The following MARK1 variants were observed in gnomAD, a reference collection of about 807,000 sequenced individuals.
MARK1 encodes the protein serine/threonine-protein kinase MARK1.
In MARK1, 40 loss-of-function variants were observed where a neutral mutation model predicts 96.3. The ratio of observed to expected loss-of-function variants is 0.42; its 90% CI spans 0.32 to 0.54. MARK1 has a LOEUF of 0.54. MARK1 is among the 20% of genes least tolerant of loss of function. The probability of loss-of-function intolerance (pLI) is 0.16; values close to 1 mark genes in which losing one functional copy is unlikely to be tolerated. For missense variants in MARK1, 719 were observed against 984.6 expected (o/e 0.73, Z 3.61); for synonymous variants, 317 against 341.2 (o/e 0.93, Z 0.78).
At chr1:220,536,693 T>G (rs1254485962) in intron 1 of MARK1, among the ~76,000 whole-genome samples, 1 of 152,062 alleles carries the variant, frequency 6.6e-6, no homozygotes, top group Non-Finnish European at 1.5e-5. Context: ...GTAGCTGAGA[T>G]TATAGGCACA....
At chr1:220,557,717 A>G (rs1041127068) in intron 1 of MARK1, among the ~76,000 whole-genome samples, 6 of 152,328 alleles carry the variant, frequency 3.9e-5, no homozygotes, top group African/African-American at 1.2e-4. Context: ...TAATATGCAA[A>G]AGAAGTTGCA....
Position 220,581,048 on chromosome 1 carries a change from T to G in MARK1, c.256-17T>G. On this transcript the variant is annotated splice_polypyrimidine_tract_variant and intron_variant, in intron 2 of 17. Transcript: ENST00000366917. The stretch of plus-strand genomic sequence containing the variant: ...TATGCATTTTTCAAATAGAGTTTAA[T>G]GATTCTTCTTTTTTAGGTTGCTGTG... 1 of 1,180,752 alleles carries G rather than the reference T, an allele frequency of 8.5e-7. No homozygotes were observed. The highest frequency in any genetic ancestry group is 1.1e-6 in the Non-Finnish European group (1 of 879,276). The allele number at this position is 1,180,752 out of a possible 1,614,324, so 73.1% of individuals were successfully genotyped here.
intron 1 of MARK1, among the ~76,000 whole-genome samples, chr1:220,564,858 T>C (rs1295936580): frequency 6.6e-6 from 1 of 151,956 alleles, no homozygotes; most frequent in Non-Finnish European, 1.5e-5. Flanking sequence ...AGTAATACTG[T>C]CTTTTTTCTT....
At chr1:220,609,759 A>C (rs978653124) in intron 6 of MARK1, among the ~76,000 whole-genome samples, 3 of 152,320 alleles carry the variant, frequency 2.0e-5, no homozygotes, top group East Asian at 3.9e-4. Flanking sequence ...GGTGGTGACA[A>C]AATCTCTCAG....
At chr1:220,640,665 G>A (rs1459750364) in intron 13 of MARK1, among the ~76,000 whole-genome samples, 1 of 152,106 alleles carries the variant, frequency 6.6e-6, no homozygotes, top group African/African-American at 2.4e-5. Context: ...CTGGAGGCTG[G>A]GTAGTTCAGT....
At chr1:220,592,274 T>C (rs1665048760) in intron 3 of MARK1, among the ~76,000 whole-genome samples, 1 of 149,712 alleles carries the variant, frequency 6.7e-6, no homozygotes, top group African/African-American at 2.4e-5. Context: ...TATATTATAC[T>C]ATCTTGCTAG....
chr1:220,653,284 A>G lies in MARK1; in HGVS notation c.1920A>G (p.Ala640=). Residue 640 remains alanine (A), a synonymous_variant, in exon 16 of 18, where the codon GCA becomes GCG. Transcript: ENST00000366917. Reference sequence around the variant, plus strand: ...CTTCACCATCCCATGAAACGGGTGCATTTGCACATGCCAGAAGGGGAACGT... The same window carrying G: ...CTTCACCATCCCATGAAACGGGTGCGTTTGCACATGCCAGAAGGGGAACGT... ...PPASPSHETG[A]FAHARRGTST... 6.2e-7 allele frequency: 1 copy of G among 1,614,252 alleles called. No homozygotes were observed. Among genetic ancestry groups the G allele is most frequent in the Non-Finnish European group, 8.5e-7 (1 of 1,180,044 alleles).
Position 220,632,227 on chromosome 1 carries a change from C to T in MARK1, c.1036C>T (p.Arg346Ter), listed in dbSNP as rs1322940585. 4 of 1,520,130 alleles carry T rather than the reference C, an allele frequency of 2.6e-6. No individual in the cohort carries two copies. The highest frequency in any genetic ancestry group is 1.4e-5 in the South Asian group (1 of 72,652). The allele number at this position is 1,520,130 out of a possible 1,614,324, so 94.2% of individuals were successfully genotyped here. A position where few individuals can be genotyped will look rare whatever the true frequency, so the allele number is the denominator to read the frequency against. Residue 346 changes from arginine (R) to a stop codon, truncating the protein, a stop_gained, in exon 11 of 18, where the codon CGA (arginine) becomes TGA (stop). Coordinates refer to ENST00000366917, the MANE Select transcript of MARK1 (RefSeq NM_018650.5). LOFTEE classifies it high-confidence loss of function. ...IDIMVTMGFARDEINDALINQ... is the reference protein window; with the variant it reads ...IDIMVTMGFA ...CATTATGGTCACCATGGGCTTTGCA[C>T]GAGATGAAATAAATGATGCCTTAAT...
At chr1:220,650,599 G>T in intron 13 of MARK1, 21 bp from the exon 14 acceptor site, 2 of 1,458,500 alleles carry the variant, frequency 1.4e-6, no homozygotes, top group Non-Finnish European at 1.9e-6. Flanking sequence ...TTTTTTAATT[G>T]CCTTTTTTTT....
At chr1:220,561,397 C>G (rs1011258692) in intron 1 of MARK1, among the ~76,000 whole-genome samples, 1 of 151,908 alleles carries the variant, frequency 6.6e-6, no homozygotes, top group East Asian at 1.9e-4. Context: ...CATCAGCTGT[C>G]ATTAGTGTTA....
At chr1:220,573,437 C>T (rs573020195) in intron 1 of MARK1, among the ~76,000 whole-genome samples, 45 of 152,232 alleles carry the variant, frequency 3.0e-4, no homozygotes, top group African/African-American at 1.0e-3. Context: ...TGTTCTCCTG[C>T]CTTAGCCTCC....
rs534874358 is a variant in MARK1, at chr1:220,533,666, A to G, written c.51+4793A>G. Among the ~76,000 whole-genome samples the G allele has an allele frequency of 3.9e-5, 6 of 152,192 alleles. No homozygotes were observed. In the South Asian group the frequency reaches 8.3e-4, roughly 21 times the overall value. ...GAAGGTAGTATTCCATTGTCTATTG[A>G]TATACATTGTTTCTGTTCAGGAGTC... On this transcript the variant is annotated intron_variant, in intron 1 of 17. Transcript: ENST00000366917.
At chr1:220,548,599 C>T (rs946765459) in intron 1 of MARK1, among the ~76,000 whole-genome samples, 10 of 152,024 alleles carry the variant, frequency 6.6e-5, no homozygotes, top group South Asian at 4.2e-4. Context: ...AATTAGCAGG[C>T]GTGGTGGTGG....
Position 220,647,154 on chromosome 1 carries a change from A to G in MARK1, c.1471-3466A>G, listed in dbSNP as rs188307487. On this transcript the variant is annotated intron_variant, in intron 13 of 17. Transcript: ENST00000366917. Reference sequence around the variant, plus strand: ...GGAAGAAAATTTTTGCAATCTATCCATCTGACAAAGGTCTAACATCCAGAA... The same window carrying G: ...GGAAGAAAATTTTTGCAATCTATCCGTCTGACAAAGGTCTAACATCCAGAA... Among the ~76,000 whole-genome samples, 367 of 152,342 alleles carry G rather than the reference A, an allele frequency of 2.4e-3. 2 individuals carry two copies. The highest frequency in any genetic ancestry group is 6.4e-3 in the South Asian group (31 of 4,830).
chr1:220,640,929 C>T (rs531881190), intron 13 of MARK1, among the ~76,000 whole-genome samples: 1 of 152,276 alleles, frequency 6.6e-6, no homozygotes, highest in African/African-American at 2.4e-5. Flanking sequence ...TCAGGAGACA[C>T]ATTCAAACTG....
At chr1:220,653,973 C>T (rs1669038938) in intron 16 of MARK1, among the ~76,000 whole-genome samples, 1 of 152,228 alleles carries the variant, frequency 6.6e-6, no homozygotes, top group Admixed American at 6.5e-5. Context: ...GTTGCTACTA[C>T]AATGCAGGCT....
chr1:220,642,863 G>A (rs1298212646), intron 13 of MARK1, among the ~76,000 whole-genome samples: 5 of 152,122 alleles, frequency 3.3e-5, no homozygotes, highest in Admixed American at 1.3e-4. Flanking sequence ...GCAGACCTGC[G>A]GAAGAGGGGC....
At chr1:220,634,869 A>C (rs564433513) in intron 11 of MARK1, among the ~76,000 whole-genome samples, 2 of 152,274 alleles carry the variant, frequency 1.3e-5, no homozygotes, top group African/African-American at 4.8e-5. Flanking sequence ...AACCAAACAA[A>C]TCTATATGTA....
At chr1:220,547,409 C>T (rs971483998) in intron 1 of MARK1, among the ~76,000 whole-genome samples, 3 of 152,194 alleles carry the variant, frequency 2.0e-5, no homozygotes, top group Non-Finnish European at 4.4e-5. Flanking sequence ...TCCACCTTTC[C>T]CTTCTACCTT....
Sources: allele counts gnomAD v4.1 joint callset (sites outside exome capture counted in the v4.1 genomes callset), GRCh38; gene constraint gnomAD v4.1.1; transcripts MANE v1.5; gene names NCBI Gene and HGNC (gene_info 2026-07-23, HGNC 2026-07-21).